RBMS3: variants seen among roughly 807,000 people sequenced by gnomAD.
RBMS3 encodes RNA-binding motif, single-stranded-interacting protein 3.
In RBMS3, 27 loss-of-function variants were observed where a neutral mutation model predicts 66.8. The ratio of observed to expected loss-of-function variants is 0.40; its 90% CI spans 0.30 to 0.56. The LOEUF (loss-of-function observed/expected upper bound fraction) is 0.56, where lower values mean the gene tolerates loss of function less well. Among genes scored for constraint, RBMS3 ranks in the 20% least tolerant of loss-of-function variants. RBMS3 has a pLI of 0.40. For synonymous variants in RBMS3, 188 were observed against 183.0 expected, an observed-to-expected ratio of 1.03 and a Z score of -0.22; for missense variants, 513 against 549.5, an observed-to-expected ratio of 0.93 and a Z score of 0.66.
intron 10 of RBMS3, among the ~76,000 whole-genome samples, chr3:29,935,087 A>G (rs1046151109): frequency 6.6e-6 from 1 of 152,128 alleles, no homozygotes; most frequent in African/African-American, 2.4e-5. Context: ...TTTTATCACA[A>G]TCTTTAAATA....
intron 6 of RBMS3, among the ~76,000 whole-genome samples, chr3:29,846,716 A>G (rs773735188): frequency 1.3e-5 from 2 of 152,238 alleles, no homozygotes; most frequent in Non-Finnish European, 2.9e-5. Flanking sequence ...TAGAATTTAC[A>G]AAGATAAGCT....
intron 12 of RBMS3, among the ~76,000 whole-genome samples, chr3:29,957,104 A>G (rs1424937316): frequency 2.6e-5 from 4 of 151,972 alleles, no homozygotes; most frequent in Admixed American, 1.3e-4. Context: ...TTCTTCTTGG[A>G]AGGTTGCCTT....
At chr3:29,611,661 A>T (rs916365127) in intron 4 of RBMS3, among the ~76,000 whole-genome samples, 8 of 152,058 alleles carry the variant, frequency 5.3e-5, no homozygotes, top group African/African-American at 1.9e-4. Context: ...GGAGCTCCGT[A>T]TTCATAGACA....
intron 4 of RBMS3, among the ~76,000 whole-genome samples, chr3:29,636,038 ATGTGTGTG>A (rs10565409): frequency 0.013 from 1,906 of 145,334 alleles, 25 homozygotes; most frequent in African/African-American, 0.045. Context: ...GTCATCAAGA[ATGTGTGTG>A]TGTGTGTGTG....
chr3:29,990,750 T>G (rs1698806874), intron 13 of RBMS3, among the ~76,000 whole-genome samples: 1 of 152,174 alleles, frequency 6.6e-6, no homozygotes, highest in South Asian at 2.1e-4. Context: ...TACAAGTTTG[T>G]ATAGGAATCC....
At chr3:29,755,104 A>G (rs1332982717) in intron 5 of RBMS3, among the ~76,000 whole-genome samples, 1 of 152,218 alleles carries the variant, frequency 6.6e-6, no homozygotes, top group Non-Finnish European at 1.5e-5. Context: ...AGAGTCATTA[A>G]TGGTATGACT....
At chr3:29,664,259 G>A (rs1218271069) in intron 4 of RBMS3, among the ~76,000 whole-genome samples, 1 of 152,130 alleles carries the variant, frequency 6.6e-6, no homozygotes, top group African/African-American at 2.4e-5. Context: ...GGAGGCCAAG[G>A]CAGGAAGATC....
At chr3:29,361,667 C>T (rs1015519190) in intron 1 of RBMS3, among the ~76,000 whole-genome samples, 2 of 152,170 alleles carry the variant, frequency 1.3e-5, no homozygotes, top group African/African-American at 4.8e-5. Flanking sequence ...CCATTCTCCC[C>T]GTCACTTTCA....
chr3:29,951,471 G>A (rs943354876), intron 12 of RBMS3, among the ~76,000 whole-genome samples: 18 of 150,658 alleles, frequency 1.2e-4, no homozygotes, highest in Non-Finnish European at 2.1e-4. Context: ...TAAGAGTAGA[G>A]AGTATATAAT....
chr3:29,373,792 A>G (rs112355109), intron 1 of RBMS3, among the ~76,000 whole-genome samples: 576 of 152,294 alleles, frequency 3.8e-3, no homozygotes, highest in African/African-American at 0.013. Context: ...TTGCAGTTTG[A>G]AAAGGGTTGT....
In RBMS3 at chr3:29,569,254, G is replaced by T. The variant is rs536020733; in HGVS notation, c.308-17860G>T. On this transcript the variant is annotated intron_variant, in intron 3 of 14. Transcript: ENST00000383767. Reference sequence around the variant, plus strand: ...ACTGTATCTGAACCACCATGTCCTAGGATCCTGAAATGCTGTTTTCCTTAT... The same window carrying T: ...ACTGTATCTGAACCACCATGTCCTATGATCCTGAAATGCTGTTTTCCTTAT... Among the ~76,000 whole-genome samples the T allele has an allele frequency of 2.0e-5, 3 of 152,150 alleles. No individual in the cohort carries two copies. The East Asian group carries it at 5.8e-4, about 29-fold the overall frequency.
intron 10 of RBMS3, among the ~76,000 whole-genome samples, chr3:29,908,026 T>C (rs1193095822): frequency 1.3e-5 from 2 of 152,010 alleles, no homozygotes; most frequent in African/African-American, 4.8e-5. Context: ...GGCAGGCAGA[T>C]TGCTTGAACT....
intron 6 of RBMS3, among the ~76,000 whole-genome samples, chr3:29,798,929 G>GT (rs368923260): frequency 0.47 from 60,406 of 127,594 alleles, 14,527 homozygotes; most frequent in Non-Finnish European, 0.52. Context: ...GTACCCTCTG[G>GT]TTTTTTTTTT....
intron 1 of RBMS3, among the ~76,000 whole-genome samples, chr3:29,340,835 A>G (rs6549926): frequency 0.4 from 60,694 of 152,034 alleles, 13,092 homozygotes; most frequent in Non-Finnish European, 0.49. Context: ...AGTACATTTT[A>G]TATTTTCTAT....
intron 10 of RBMS3, among the ~76,000 whole-genome samples, chr3:29,913,464 A>T (rs2060567379): frequency 6.6e-6 from 1 of 152,014 alleles, no homozygotes; most frequent in Non-Finnish European, 1.5e-5. Context: ...CTTTTATATC[A>T]CTTAACATAA....
chr3:29,409,298 C>T (rs985841066), intron 1 of RBMS3, among the ~76,000 whole-genome samples: 6 of 151,516 alleles, frequency 4.0e-5, no homozygotes, highest in African/African-American at 1.5e-4. Flanking sequence ...GCTGGGACAC[C>T]TCAGTTGCGG....
chr3:29,517,585 AGT>A (rs1184462266), intron 3 of RBMS3, among the ~76,000 whole-genome samples: 1 of 151,950 alleles, frequency 6.6e-6, no homozygotes, highest in African/African-American at 2.4e-5. Context: ...GGCCTCCCGA[AGT>A]GCTGGGATTA....
chr3:29,384,657 G>A (rs973235941), intron 1 of RBMS3, among the ~76,000 whole-genome samples: 1 of 152,290 alleles, frequency 6.6e-6, no homozygotes, highest in Admixed American at 6.5e-5. Flanking sequence ...TATTAATATA[G>A]CAAGTGTGAC....
intron 6 of RBMS3, among the ~76,000 whole-genome samples, chr3:29,836,096 C>T (rs1340806788): frequency 6.6e-6 from 1 of 151,844 alleles, no homozygotes; most frequent in Non-Finnish European, 1.5e-5. Context: ...AGACCAATAA[C>T]AATTACAGAG....
Sources: gnomAD v4.1 joint callset for allele counts (sites outside exome capture counted in the v4.1 genomes callset) on GRCh38, gnomAD v4.1.1 for gene constraint, MANE v1.5 for transcripts, NCBI Gene and HGNC (gene_info 2026-07-23, HGNC 2026-07-21) for gene names.